FAT2: variants seen among roughly 807,000 people sequenced by gnomAD.
FAT2 encodes the protein protocadherin Fat 2.
Under a neutral mutation model 295.3 loss-of-function variants are expected in FAT2, and 150 were observed. The observed-to-expected ratio is 0.51, with a 90% CI of 0.44 to 0.58. FAT2 has a LOEUF of 0.58. FAT2 is among the 20% of genes least tolerant of loss of function. FAT2 has a pLI of 0.00. For synonymous variants in FAT2, 2,026 were observed against 2,150.3 expected (o/e 0.94, Z 1.60); for missense variants, 4,868 against 5,442.7 (o/e 0.89, Z 3.32).
chr5:151,529,031 A>T, intron 15 of FAT2, 147 bp downstream of exon 15: 1 of 669,852 alleles, frequency 1.5e-6, no homozygotes. Flanking sequence ...CTCAAATCTC[A>T]CATAAACCTC....
At chr5:151,594,632 A>G (rs1021935826), upstream of FAT2, among the ~76,000 whole-genome samples, 4 of 152,134 alleles carry the variant, frequency 2.6e-5, no homozygotes, top group Non-Finnish European at 5.9e-5. Flanking sequence ...AGTCATGTCC[A>G]TTTCCCCTAT....
chr5:151,537,986 C>A (rs372547723), intron 11 of FAT2, 40 bp from the exon 12 acceptor site: 8 of 1,588,770 alleles, frequency 5.0e-6, no homozygotes, highest in Admixed American at 3.4e-5. Context: ...ACTGTGGGGA[C>A]TGCATTCAGA....
At chr5:151,548,190 T>G (rs1459195560) in intron 9 of FAT2, among the ~76,000 whole-genome samples, 1 of 152,154 alleles carries the variant, frequency 6.6e-6, no homozygotes, top group Non-Finnish European at 1.5e-5. Flanking sequence ...AGCTACTGTA[T>G]AAGCTACTGA....
chr5:151,562,205 C>T (rs1219769595), intron 3 of FAT2, among the ~76,000 whole-genome samples: 1 of 152,206 alleles, frequency 6.6e-6, no homozygotes, highest in African/African-American at 2.4e-5. Flanking sequence ...CGTCATCCTC[C>T]TCCTGGTTAC....
chr5:151,537,187 GA>G (rs1259976634), intron 12 of FAT2, among the ~76,000 whole-genome samples: 1 of 150,936 alleles, frequency 6.6e-6, no homozygotes, highest in African/African-American at 2.4e-5. Flanking sequence ...AAAGAAAGAA[GA>G]GAGAGAGAGA....
At chr5:151,588,716 T>C (rs1028374291) in intron 1 of FAT2, among the ~76,000 whole-genome samples, 18 of 152,150 alleles carry the variant, frequency 1.2e-4, no homozygotes, top group African/African-American at 4.3e-4. Flanking sequence ...AAATAATTAA[T>C]AATTATAATT....
Position 151,544,001 on chromosome 5 carries a change from G to T in FAT2, c.7126C>A (p.Pro2376Thr), listed in dbSNP as rs1404412965. 2 of 1,614,146 alleles carry T rather than the reference G, an allele frequency of 1.2e-6. No homozygotes were observed. Among genetic ancestry groups the T allele is most frequent in the South Asian group, 1.1e-5 (1 of 91,082 alleles). Residue 2376 changes from proline (P) to threonine (T), a missense_variant, in exon 10 of 24, where the codon CCC becomes ACC. Physicochemically the swap from Pro to Thr is conservative, Grantham distance 38. Coordinates refer to ENST00000261800, the MANE Select transcript of FAT2 (RefSeq NM_001447.3). ...TATTGAGGTTGTCTGAACTCTGGGG[G>T]GTTGTCATTGATATCAGACACATTG... Reference protein sequence around the residue: ...VVNVSDINDNPPEFRQPQYEA... With the variant: ...VVNVSDINDNTPEFRQPQYEA...
At position 151,521,652 on chromosome 5, in the gene FAT2, G is replaced by A. The variant is rs146896904; in HGVS notation, c.10941C>T (p.His3647=). The A allele has an allele frequency of 3.7e-6, 6 of 1,614,096 alleles. No individual in the cohort carries two copies. Among genetic ancestry groups the A allele is most frequent in the Non-Finnish European group, 5.1e-6 (6 of 1,180,036 alleles). The change falls in exon 19 of 24, where the codon CAC becomes CAT. Residue 3647 remains histidine, a synonymous_variant. Transcript: ENST00000261800. ...QLTPEELVSD[H]WRNLQRFLSH... is the part of the protein sequence containing the mutation. ...TGAGGAACCTCTGCAGGTTCCGCCAGTGGTCACTCACCAGCTCCTCGGGGG... is the reference window on the plus strand; with the variant it reads ...TGAGGAACCTCTGCAGGTTCCGCCAATGGTCACTCACCAGCTCCTCGGGGG...
intron 19 of FAT2, among the ~76,000 whole-genome samples, chr5:151,520,957 G>A (rs952857096): frequency 4.6e-5 from 7 of 152,192 alleles, no homozygotes; most frequent in Admixed American, 6.5e-5. Flanking sequence ...TCCTAAAGTC[G>A]CCTGGTTAGT....
At chr5:151,541,539 G>A (rs1561847288) in intron 10 of FAT2, among the ~76,000 whole-genome samples, 1 of 152,212 alleles carries the variant, frequency 6.6e-6, no homozygotes, top group Non-Finnish European at 1.5e-5. Flanking sequence ...TGTGATAGCA[G>A]AAGGAGCCAT....
In FAT2 at chr5:151,505,877, C is replaced by G. The variant is rs1349246342; in HGVS notation, c.12738G>C (p.Gln4246His). 1.9e-6 allele frequency: 3 copies of G among 1,606,006 alleles called. No homozygotes were observed. Among genetic ancestry groups the G allele is most frequent in the African/African-American group, 1.3e-5 (1 of 74,436 alleles). The change falls in exon 24 of 24, where the codon CAG becomes CAC. Residue 4246 changes from glutamine to histidine, a missense_variant. Gln to His is a conservative substitution (Grantham distance 24, BLOSUM62 0). This residue lies in a region of FAT2 where 492 missense variants were observed against 482.6 expected (regional missense o/e 1.02). Coordinates refer to ENST00000261800, the MANE Select transcript of FAT2 (RefSeq NM_001447.3). The stretch of plus-strand genomic sequence containing the variant: ...GAGAGGGCATCAGATCTTCCAGGTT[C>G]TGGTTGCTGTAACGGGGTGGGAGAG... ...RAPLPPRYSN[Q>H]NLEDLMPSRP...
intron 3 of FAT2, among the ~76,000 whole-genome samples, chr5:151,561,137 C>T (rs750991169): frequency 1.3e-5 from 2 of 152,204 alleles, no homozygotes; most frequent in Non-Finnish European, 2.9e-5. Context: ...TCAGGAAAAA[C>T]TTCTCTAAGG....
chr5:151,574,282 T>C (rs1258109482), intron 1 of FAT2, among the ~76,000 whole-genome samples: 1 of 152,192 alleles, frequency 6.6e-6, no homozygotes, highest in African/African-American at 2.4e-5. Flanking sequence ...ATAATGTGTG[T>C]GCATATAGAG....
chr5:151,542,310 G>A lies in FAT2; in HGVS notation c.8817C>T (p.Asn2939=), dbSNP rs752545519. 2 of 1,609,406 alleles carry A rather than the reference G, an allele frequency of 1.2e-6. No individual in the cohort carries two copies. Among genetic ancestry groups the A allele is most frequent in the South Asian group, 2.2e-5 (2 of 89,986 alleles). Residue 2939 remains asparagine, a synonymous_variant, in exon 10 of 24, where the codon AAC becomes AAT. Transcript: ENST00000261800. The part of the protein sequence containing the change: ...KTLDADISEQ[N]RQVTCYITEG... Reference sequence around the variant, plus strand: ...CTGTGATGTAGCAGGTGACCTGCCTGTTCTGCTCAGAAATGTCAGCATCCA... The same window carrying A: ...CTGTGATGTAGCAGGTGACCTGCCTATTCTGCTCAGAAATGTCAGCATCCA...
At chr5:151,577,039 C>G (rs996523834) in intron 1 of FAT2, among the ~76,000 whole-genome samples, 3 of 152,184 alleles carry the variant, frequency 2.0e-5, no homozygotes, top group African/African-American at 7.2e-5. Flanking sequence ...TATGAGACCA[C>G]TCTCATATAT....
At chr5:151,549,091 CT>C (rs776224996) in intron 9 of FAT2, among the ~76,000 whole-genome samples, 11 of 152,212 alleles carry the variant, frequency 7.2e-5, no homozygotes, top group Non-Finnish European at 1.3e-4. Context: ...ATGAGTGGTC[CT>C]TACTCATATT....
In FAT2 at chr5:151,521,930, C is replaced by T; in HGVS notation, c.10663G>A (p.Ala3555Thr). Residue 3555 changes from alanine (A) to threonine (T), a missense_variant, in exon 19 of 24, where the codon GCC becomes ACC. Transcript: ENST00000261800. ...GTGTCCTGGGGGTCTCGGTCTGTGGCATGGATCTTACCCACCATGCCACCC... is the reference window on the plus strand; with the variant it reads ...GTGTCCTGGGGGTCTCGGTCTGTGGTATGGATCTTACCCACCATGCCACCC... ...FQGGMVGKIH[A>T]TDRDPQDTLT... is the part of the protein sequence containing the mutation. The T allele has an allele frequency of 6.2e-7, 1 of 1,614,138 alleles. No homozygotes were observed. Among genetic ancestry groups the T allele is most frequent in the Non-Finnish European group, 8.5e-7 (1 of 1,179,954 alleles).
rs765354136 is a variant in FAT2, at chr5:151,565,746, G to C, written c.3186C>G (p.Gly1062=). The C allele has an allele frequency of 2.3e-5, 35 of 1,509,032 alleles. 1 individual carries two copies. In the East Asian group the frequency reaches 9.6e-4, roughly 41 times the overall value. The allele number at this position is 1,509,032 out of a possible 1,614,324, so 93.5% of individuals were successfully genotyped here. A position where few individuals can be genotyped will look rare whatever the true frequency, so the allele number is the denominator to read the frequency against. Residue 1062 remains glycine, a synonymous_variant, in exon 2 of 24, where the codon GGC becomes GGG. Coordinates refer to ENST00000261800, the MANE Select transcript of FAT2 (RefSeq NM_001447.3). Reference sequence around the variant, plus strand: ...GGAAGTACTGGAGCTCCCCATCCAAGCCACTGTCATCGTCCTGGGCAGCCA... The same window carrying C: ...GGAAGTACTGGAGCTCCCCATCCAACCCACTGTCATCGTCCTGGGCAGCCA... ...IVVAAQDDDS[G]LDGELQYFLR... is the part of the protein sequence containing the mutation.
At position 151,543,072 on chromosome 5, in the gene FAT2, T is replaced by A; in HGVS notation, c.8055A>T (p.Lys2685Asn). 6.2e-7 allele frequency: 1 copy of A among 1,614,176 alleles called. No individual in the cohort carries two copies. The highest frequency in any genetic ancestry group is 1.1e-5 in the South Asian group (1 of 91,074). The stretch of plus-strand genomic sequence containing the variant: ...GTTCAGAAAATTTCGGTAAGGATAC[T>A]TTTTTAGGAACCACCTGAAGTCGTA... ...VPVRLQVVPK[K>N]VSLPKFSEPL... Residue 2685 changes from lysine to asparagine, a missense_variant, in exon 10 of 24, where the codon AAA becomes AAT. By Grantham distance (94) the Lys-to-Asn change is moderately conservative. Around this residue, in one of 5 missense-constraint regions of FAT2, gnomAD observed 3,297 missense variants for 3,669.4 expected, o/e 0.90. Transcript: ENST00000261800.
Sources: gnomAD v4.1 joint callset for allele counts (sites outside exome capture counted in the v4.1 genomes callset) on GRCh38, gnomAD v4.1.1 for gene constraint, gnomAD v4.1.1 regional missense constraint, MANE v1.5 for transcripts, NCBI Gene and HGNC (gene_info 2026-07-23, HGNC 2026-07-21) for gene names.